The following VPS53 variants were observed in gnomAD, a reference collection of about 807,000 sequenced individuals.
The protein encoded by VPS53 is VPS53 subunit of GARP complex, also known as vacuolar protein sorting-associated protein 53 homolog.
A neutral mutation model predicts 107.0 loss-of-function variants in VPS53; 70 were observed. That is an observed-to-expected ratio of 0.65 (90% CI 0.54 to 0.80). VPS53 has a LOEUF of 0.80. VPS53 is among the 30% of genes least tolerant of loss of function. The probability of loss-of-function intolerance (pLI) is 0.00; values close to 1 mark genes in which losing one functional copy is unlikely to be tolerated. For missense variants in VPS53, 917 were observed against 1,049.4 expected, an observed-to-expected ratio of 0.87 and a Z score of 1.74; for synonymous variants, 409 against 393.3, an observed-to-expected ratio of 1.04 and a Z score of -0.47.
chr17:514,513 GCAGGTTATTCTGAGTGCT>G lies in VPS53; in HGVS notation c.*4597_*4614del, dbSNP rs1418117901. 1.3e-5 allele frequency: 2 copies of G among 150,094 alleles called. No homozygotes were observed. Among genetic ancestry groups the G allele is most frequent in the African/African-American group, 5.0e-5 (2 of 40,336 alleles). 9.3% of individuals were successfully genotyped at this position (150,094 alleles called of 1,614,324 possible). A position where few individuals can be genotyped will look rare whatever the true frequency, so the allele number is the denominator to read the frequency against. On this transcript the variant is annotated 3_prime_UTR_variant, in exon 22 of 22. Coordinates refer to ENST00000437048, the MANE Select transcript of VPS53 (RefSeq NM_001128159.3). ...TCCTAGCCAAGGAATCCCATTTCCA[GCAGGTTATTCTGAGTGCT>G]CTTCCTAGGGAAGGAACCCCATTTC...
intron 11 of VPS53, among the ~76,000 whole-genome samples, chr17:619,100 A>G (rs1969322961): frequency 7.3e-6 from 1 of 137,012 alleles, no homozygotes; most frequent in Admixed American, 7.6e-5. Context: ...CCCAGCTAAT[A>G]TTTCCCGGGT....
At chr17:573,477 G>A (rs1350667012) in intron 13 of VPS53, among the ~76,000 whole-genome samples, 1 of 152,154 alleles carries the variant, frequency 6.6e-6, no homozygotes, top group Non-Finnish European at 1.5e-5. Flanking sequence ...GCAGGTGGGA[G>A]GCTGGGGAGA....
At chr17:522,083 G>A (rs922190687) in intron 19 of VPS53, among the ~76,000 whole-genome samples, 20 of 151,848 alleles carry the variant, frequency 1.3e-4, no homozygotes, top group East Asian at 3.9e-4. Context: ...GCAAAACCCC[G>A]CCTCTACAAA....
At chr17:711,203 C>G (rs1973631132) in intron 1 of VPS53, among the ~76,000 whole-genome samples, 1 of 152,132 alleles carries the variant, frequency 6.6e-6, no homozygotes, top group Admixed American at 6.6e-5. Context: ...GAGTGAGATC[C>G]TCTCTCAAAA....
chr17:628,619 C>G (rs1199805411), intron 8 of VPS53, among the ~76,000 whole-genome samples: 1 of 152,138 alleles, frequency 6.6e-6, no homozygotes, highest in Non-Finnish European at 1.5e-5. Flanking sequence ...AGCCTCTCTC[C>G]TAAGAGTTGG....
intron 14 of VPS53, among the ~76,000 whole-genome samples, chr17:561,720 C>T (rs1417879325): frequency 2.0e-5 from 3 of 152,200 alleles, no homozygotes; most frequent in African/African-American, 7.2e-5. Flanking sequence ...ACCTCCGCCT[C>T]CCGGGTTCAA....
rs916961957 is a variant in VPS53 at position 688,297 on chromosome 17, G to A, written c.285+9121C>T. On this transcript the variant is annotated intron_variant, in intron 4 of 21. Coordinates refer to ENST00000437048, the MANE Select transcript of VPS53 (RefSeq NM_001128159.3). ...GGTTTTGTAAGAGGCTTCCCCCTTC[G>A]CTCAGCTCTCATTCTTCCTCTCTCC... is the stretch of plus-strand genomic sequence containing the variant. Among the ~76,000 whole-genome samples the A allele has an allele frequency of 9.2e-5, 14 of 152,048 alleles. No individual in the cohort carries two copies. The East Asian group carries it at 1.5e-3, about 17-fold the overall frequency.
chr17:704,765 T>TA (rs993235791), intron 2 of VPS53, among the ~76,000 whole-genome samples: 8 of 151,428 alleles, frequency 5.3e-5, no homozygotes, highest in African/African-American at 1.7e-4. Flanking sequence ...TTCAGTAGTT[T>TA]AAAAAAAAAT....
intron 11 of VPS53, among the ~76,000 whole-genome samples, chr17:607,913 C>G (rs1317782320): frequency 6.6e-6 from 1 of 152,162 alleles, no homozygotes; most frequent in East Asian, 1.9e-4. Context: ...ACATCCGTAT[C>G]TCGTCTGCCT....
intron 7 of VPS53, among the ~76,000 whole-genome samples, chr17:632,470 C>A (rs932854762): frequency 6.6e-6 from 1 of 152,108 alleles, no homozygotes; most frequent in Non-Finnish European, 1.5e-5. Context: ...ATCAGGGTAA[C>A]TGGGTTATCA....
intron 18 of VPS53, among the ~76,000 whole-genome samples, chr17:535,392 G>T (rs553548652): frequency 1.5e-5 from 2 of 135,410 alleles, no homozygotes; most frequent in South Asian, 4.4e-4. Flanking sequence ...GGAGACGCCG[G>T]GACTGGCTAA....
At chr17:547,662 G>T (rs1018178382) in intron 17 of VPS53, among the ~76,000 whole-genome samples, 9 of 152,054 alleles carry the variant, frequency 5.9e-5, no homozygotes, top group Non-Finnish European at 1.3e-4. Flanking sequence ...TTATAAAATA[G>T]AGTCTCACTC....
At chr17:701,409 A>G (rs1382431404) in intron 2 of VPS53, among the ~76,000 whole-genome samples, 4 of 151,828 alleles carry the variant, frequency 2.6e-5, no homozygotes, top group Non-Finnish European at 5.9e-5. Flanking sequence ...GATGGAGACT[A>G]GCTCTGTCAC....
chr17:571,493 C>CTCTCCT (rs1914056721), intron 13 of VPS53, among the ~76,000 whole-genome samples: 1 of 141,436 alleles, frequency 7.1e-6, no homozygotes, highest in African/African-American at 2.7e-5. Context: ...CTCCTTCTCC[C>CTCTCCT]TCTCCCTCTC....
intron 17 of VPS53, among the ~76,000 whole-genome samples, chr17:543,039 G>GA (rs1353487599): frequency 6.6e-6 from 1 of 152,040 alleles, no homozygotes; most frequent in Non-Finnish European, 1.5e-5. Flanking sequence ...GTCATAATGG[G>GA]AAAAATCTTT....
intron 2 of VPS53, among the ~76,000 whole-genome samples, chr17:700,275 G>A (rs554847365): frequency 2.6e-4 from 40 of 152,258 alleles, no homozygotes; most frequent in South Asian, 2.3e-3. Context: ...GGGTGCAGTG[G>A]CTCACGCCTG....
At chr17:616,216 T>A (rs986558727) in intron 11 of VPS53, 1 of 152,232 alleles carries the variant, frequency 6.6e-6, no homozygotes, top group Non-Finnish European at 1.5e-5. Flanking sequence ...CAGGTCGTGA[T>A]ACCTGGCACA....
chr17:642,393 A>G (rs945244724), intron 7 of VPS53, among the ~76,000 whole-genome samples: 8 of 151,394 alleles, frequency 5.3e-5, no homozygotes, highest in Non-Finnish European at 1.2e-4. Context: ...AAACACTCAT[A>G]CTCGGAAACC....
intron 3 of VPS53, among the ~76,000 whole-genome samples, chr17:697,974 G>A (rs1035448852): frequency 1.7e-4 from 26 of 151,982 alleles, no homozygotes; most frequent in Non-Finnish European, 3.2e-4. Context: ...CTGCCCCCAC[G>A]GTTCACAATG....
Sources: gnomAD v4.1 joint callset for allele counts (sites outside exome capture counted in the v4.1 genomes callset) on GRCh38, gnomAD v4.1.1 for gene constraint, MANE v1.5 for transcripts, NCBI Gene and HGNC (gene_info 2026-07-23, HGNC 2026-07-21) for gene names.